TCHP: variants seen among roughly 807,000 people sequenced by gnomAD.
TCHP encodes the protein trichoplein keratin filament binding, also known as trichoplein keratin filament-binding protein.
Under a neutral mutation model 88.7 loss-of-function variants are expected in TCHP, and 81 were observed. The ratio of observed to expected loss-of-function variants is 0.91; its 90% CI spans 0.76 to 1.10. TCHP has a LOEUF of 1.10. TCHP is among the 50% of genes least tolerant of loss of function. The pLI is 0.00. For synonymous variants in TCHP, 232 were observed against 232.5 expected (o/e 1.00, Z 0.02); for missense variants, 641 against 632.1 (o/e 1.01, Z -0.15).
At position 109,903,443 on chromosome 12, in the gene TCHP, T is replaced by G. The variant is rs1038638850; in HGVS notation, c.188+229T>G. Among the ~76,000 whole-genome samples the G allele has an allele frequency of 2.0e-5, 3 of 152,246 alleles. No homozygotes were observed. The highest frequency in any genetic ancestry group is 7.2e-5 in the African/African-American group (3 of 41,462). Reference sequence around the variant, plus strand: ...ATATGATAGAATTTGGAAGCCTGGTTGTAACCCCATATCCCCAGAGACAGC... The same window carrying G: ...ATATGATAGAATTTGGAAGCCTGGTGGTAACCCCATATCCCCAGAGACAGC... On this transcript the variant is annotated intron_variant, in intron 2 of 12. Transcript: ENST00000405876. This position sits in a 1 kb window ranked among gnomAD's most constrained non-coding sequence, Gnocchi z 4.6.
At chr12:109,881,805 C>T in the TCHP span, among the ~76,000 whole-genome samples, 71 of 152,338 alleles carry the variant, frequency 4.7e-4, no homozygotes, top group Admixed American at 9.8e-4. Context: ...CACAACCCAC[C>T]TAGATGCTTA....
chr12:109,889,467 C>CAAAAAAAA, the TCHP span, among the ~76,000 whole-genome samples: 1 of 140,564 alleles, frequency 7.1e-6, no homozygotes, highest in African/African-American at 2.7e-5. Context: ...GACTCCATCT[C>CAAAAAAAA]AAAAAAAAAG....
At chr12:109,880,724 C>G in the TCHP span, 1 of 152,146 alleles carries the variant, frequency 6.6e-6, no homozygotes, top group Non-Finnish European at 1.5e-5. This position sits in a 1 kb window ranked among gnomAD's most constrained non-coding sequence, Gnocchi z 5.1. Context: ...GTGAGCCGCT[C>G]CCAGGTGAGT....
chr12:109,889,201 C>A, the TCHP span, among the ~76,000 whole-genome samples: 1 of 152,082 alleles, frequency 6.6e-6, no homozygotes, highest in African/African-American at 2.4e-5. Flanking sequence ...GGGCTGGGTG[C>A]GGTGGCTCAT....
rs895134078 is a variant in TCHP at position 109,915,520 on chromosome 12, A to G, written c.1438A>G (p.Met480Val). 37 of 1,613,990 alleles carry G rather than the reference A, an allele frequency of 2.3e-5. No homozygotes were observed. Among genetic ancestry groups the G allele is most frequent in the Non-Finnish European group, 3.1e-5 (37 of 1,179,964 alleles). The change falls in exon 12 of 13, where the codon ATG (methionine) becomes GTG (valine). Residue 480 changes from methionine to valine, a missense_variant. Physicochemically the swap from Met to Val is conservative, Grantham distance 21 (BLOSUM62 1). Transcript: ENST00000405876. ...CCTGCTGCAGCAGGAGGCGGAGACT[A>G]TGGCTGAGCAGGGCTACCGGCCTAA... is the stretch of plus-strand genomic sequence containing the variant. ...DALLQQEAET[M>V]AEQGYRPKPY...
At chr12:109,885,834 G>A in the TCHP span, among the ~76,000 whole-genome samples, 1 of 151,624 alleles carries the variant, frequency 6.6e-6, no homozygotes. Flanking sequence ...CTGGAATGCA[G>A]TGGTGCAATC....
chr12:109,897,430 G>A (rs1869588783), upstream of TCHP, among the ~76,000 whole-genome samples: 1 of 152,146 alleles, frequency 6.6e-6, no homozygotes, highest in South Asian at 2.1e-4. Context: ...GAGCTTATCT[G>A]GTCATTATAC....
At chr12:109,887,619 C>A in the TCHP span, among the ~76,000 whole-genome samples, 1 of 152,214 alleles carries the variant, frequency 6.6e-6, no homozygotes, top group South Asian at 2.1e-4. Context: ...GCCACTCCCT[C>A]CCCAGCAAGG....
chr12:109,904,208 C>T (rs779570018), intron 3 of TCHP, 61 bp downstream of exon 3: 21 of 1,469,688 alleles, frequency 1.4e-5, no homozygotes, highest in South Asian at 6.1e-5. Context: ...CTGAGTGTGT[C>T]GCACATGTAG....
intron 9 of TCHP, 154 bp from the exon 10 acceptor site, chr12:109,912,837 T>G (rs575870440): frequency 3.8e-4 from 247 of 645,330 alleles, no homozygotes; most frequent in Non-Finnish European, 6.5e-4. Flanking sequence ...CCGTGGATGC[T>G]GTCCTTAATT....
intron 10 of TCHP, among the ~76,000 whole-genome samples, chr12:109,913,752 G>T (rs1339711562): frequency 6.6e-6 from 1 of 152,224 alleles, no homozygotes; most frequent in Non-Finnish European, 1.5e-5. Flanking sequence ...TCTACGTTGT[G>T]TCTGGTAGTA....
chr12:109,909,452 T>G (rs1870358318), intron 8 of TCHP, among the ~76,000 whole-genome samples: 1 of 152,090 alleles, frequency 6.6e-6, no homozygotes, highest in Non-Finnish European at 1.5e-5. Flanking sequence ...GAGGTGGAGG[T>G]TTTTGTTTTT....
chr12:109,910,972 G>A (rs1485470994), intron 8 of TCHP, 91 bp from the exon 9 acceptor site: 1 of 1,416,384 alleles, frequency 7.1e-7, no homozygotes, highest in African/African-American at 1.5e-5. Context: ...TGTCTATGTA[G>A]AAAGGAAAGG....
intron 7 of TCHP, 64 bp downstream of exon 7, chr12:109,908,762 C>A: frequency 6.4e-7 from 1 of 1,556,220 alleles, no homozygotes. Context: ...TTCAGACTTG[C>A]ATTCGTGTTG....
intron 12 of TCHP, among the ~76,000 whole-genome samples, chr12:109,916,121 C>T (rs1008751226): frequency 9.2e-5 from 14 of 152,240 alleles, no homozygotes; most frequent in African/African-American, 3.4e-4. Context: ...GCTGGCTTGT[C>T]CCCTCTGCCC....
At position 109,915,657 on chromosome 12, in the gene TCHP, C is replaced by T. The variant is rs371039282; in HGVS notation, c.1464+111C>T. 8.9e-5 allele frequency: 112 copies of T among 1,256,418 alleles called. 1 individual carries two copies. The highest frequency in any genetic ancestry group is 4.8e-4 in the Admixed American group (17 of 35,272). The allele number at this position is 1,256,418 out of a possible 1,614,324, so 77.8% of individuals were successfully genotyped here. Reference sequence around the variant, plus strand: ...CGCCGGGGTCTGCTCTCCGGCCGTCCGGGTTATTCCTTGTTTCTCTTCTCT... The same window carrying T: ...CGCCGGGGTCTGCTCTCCGGCCGTCTGGGTTATTCCTTGTTTCTCTTCTCT... On this transcript the variant is annotated intron_variant, in intron 12 of 12. Transcript: ENST00000405876.
intron 8 of TCHP, 149 bp downstream of exon 8, chr12:109,909,086 C>T (rs1197051473): frequency 2.6e-5 from 18 of 691,934 alleles, no homozygotes; most frequent in Non-Finnish European, 3.5e-5. Flanking sequence ...ATACATCCCT[C>T]GGTTGGGAGA....
upstream of TCHP, among the ~76,000 whole-genome samples, chr12:109,895,429 G>T (rs184073038): frequency 6.6e-6 from 1 of 151,982 alleles, no homozygotes; most frequent in East Asian, 1.9e-4. Context: ...TATATTGCCA[G>T]GCTGGTCTTA....
chr12:109,915,456 A>G lies in TCHP; in HGVS notation c.1374A>G (p.Glu458=). Residue 458 remains glutamate, a synonymous_variant, in exon 12 of 13, where the codon GAA becomes GAG. Transcript: ENST00000405876. ...AAGCAGACCAGCAGGAGGAGGAGGA[A>G]GAGGAGGAGGCCCGGCGGGTCGAGC... ...AWEADQQEEE[E]EEEARRVEQL... is the part of the protein sequence containing the mutation. 1 of 1,614,074 alleles carries G rather than the reference A, an allele frequency of 6.2e-7. No homozygotes were observed.
Sources: allele counts gnomAD v4.1 joint callset (sites outside exome capture counted in the v4.1 genomes callset), GRCh38; gene constraint gnomAD v4.1.1; non-coding constraint Gnocchi (gnomAD v3.1); transcripts MANE v1.5; gene names NCBI Gene and HGNC (gene_info 2026-07-23, HGNC 2026-07-21).